ADAMTS2: variants seen among roughly 807,000 people sequenced by gnomAD.
The protein encoded by ADAMTS2 is A disintegrin and metalloproteinase with thrombospondin motifs 2.
A neutral mutation model predicts 123.0 loss-of-function variants in ADAMTS2; 50 were observed. The ratio of observed to expected loss-of-function variants is 0.41; its 90% CI spans 0.32 to 0.51. The LOEUF is 0.51. Ranked by LOEUF, ADAMTS2 falls within the 20% of genes least tolerant of loss-of-function variation. The pLI, the probability that ADAMTS2 is intolerant of heterozygous loss-of-function variation, is 0.35. For missense variants in ADAMTS2, 1,494 were observed against 1,705.2 expected (o/e 0.88, Z 2.18); for synonymous variants, 678 against 695.4 (o/e 0.98, Z 0.39).
intron 4 of ADAMTS2, among the ~76,000 whole-genome samples, chr5:179,182,490 C>G (rs3797603): frequency 6.6e-6 from 1 of 152,056 alleles, no homozygotes; most frequent in Non-Finnish European, 1.5e-5. Context: ...TCAGGAAACC[C>G]GAGGGTTCAC....
intron 3 of ADAMTS2, among the ~76,000 whole-genome samples, chr5:179,215,646 C>T (rs465381): frequency 0.22 from 33,721 of 151,988 alleles, 3,955 homozygotes; most frequent in Non-Finnish European, 0.27. Flanking sequence ...GGGGAAGAAA[C>T]AACAAGGGAA....
intron 10 of ADAMTS2, among the ~76,000 whole-genome samples, chr5:179,142,837 G>A (rs1763193613): frequency 6.6e-6 from 1 of 152,148 alleles, no homozygotes; most frequent in African/African-American, 2.4e-5. Flanking sequence ...GTAGCAGCAA[G>A]GCCCAGGGGA....
At position 179,118,514 on chromosome 5, in the gene ADAMTS2, G is replaced by A. The variant is rs1026272249; in HGVS notation, c.3178+3147C>T. On this transcript the variant is annotated intron_variant, in intron 21 of 21. Transcript: ENST00000251582. The surrounding 1 kb of genome is among the most constrained non-coding windows in gnomAD (Gnocchi z 4.5). ...TTAAGTCACTGTAGGCTACTCCCACGATCTTGGCTACACCTGAACAGCACC... is the reference window on the plus strand; with the variant it reads ...TTAAGTCACTGTAGGCTACTCCCACAATCTTGGCTACACCTGAACAGCACC... Among the ~76,000 whole-genome samples the A allele has an allele frequency of 1.3e-5, 2 of 152,098 alleles. No individual in the cohort carries two copies. The highest frequency in any genetic ancestry group is 4.8e-5 in the African/African-American group (2 of 41,412).
intron 4 of ADAMTS2, among the ~76,000 whole-genome samples, chr5:179,184,535 TGAAA>T (rs1271136389): frequency 1.4e-5 from 2 of 139,366 alleles, no homozygotes; most frequent in Admixed American, 7.2e-5. Context: ...AAAAAAAGAA[TGAAA>T]GAAAGTTGCA....
At chr5:179,136,359 G>A (rs1421697298) in intron 12 of ADAMTS2, among the ~76,000 whole-genome samples, 1 of 152,158 alleles carries the variant, frequency 6.6e-6, no homozygotes, top group Non-Finnish European at 1.5e-5. Context: ...TGTTTGCTGG[G>A]TTGCTATCTA....
intron 5 of ADAMTS2, among the ~76,000 whole-genome samples, chr5:179,161,313 G>T (rs1377422349): frequency 3.3e-5 from 5 of 152,162 alleles, no homozygotes; most frequent in Admixed American, 1.3e-4. Context: ...AGAAGGAAGG[G>T]AAACTCGGGG....
At chr5:179,217,942 A>G (rs78642532) in intron 3 of ADAMTS2, among the ~76,000 whole-genome samples, 6,202 of 148,990 alleles carry the variant, frequency 0.042, 186 homozygotes, top group Non-Finnish European at 0.067. Flanking sequence ...GCACCTGCAC[A>G]CAGACAGAGG....
chr5:179,208,166 G>A (rs1399892354), intron 3 of ADAMTS2, among the ~76,000 whole-genome samples: 6 of 151,248 alleles, frequency 4.0e-5, no homozygotes, highest in South Asian at 4.2e-4. Flanking sequence ...ACTGCCCGAT[G>A]CTGGAGTGGG....
Position 179,132,933 on chromosome 5 carries a change from C to T in ADAMTS2, c.2086-33G>A, listed in dbSNP as rs751922442. ...GGGAGGAGGCAGTGAGCACTTGAGA[C>T]GTCCTGCTAGTAGAGTCAGGGTCAT... On this transcript the variant is annotated intron_variant, in intron 13 of 21. Coordinates refer to ENST00000251582, the MANE Select transcript of ADAMTS2 (RefSeq NM_014244.5). The surrounding 1 kb of genome is among the most constrained non-coding windows in gnomAD (Gnocchi z 6.1). 2.2e-5 allele frequency: 36 copies of T among 1,609,546 alleles called. No homozygotes were observed. The highest frequency in any genetic ancestry group is 3.4e-5 in the Admixed American group (2 of 59,484).
At chr5:179,270,058 C>T (rs1412367774) in intron 3 of ADAMTS2, among the ~76,000 whole-genome samples, 3 of 152,160 alleles carry the variant, frequency 2.0e-5, no homozygotes, top group African/African-American at 7.2e-5. Flanking sequence ...CCTAAGCTGC[C>T]CAGTGCACAC....
At chr5:179,223,104 A>C (rs1765162657) in intron 3 of ADAMTS2, among the ~76,000 whole-genome samples, 1 of 151,942 alleles carries the variant, frequency 6.6e-6, no homozygotes, top group African/African-American at 2.4e-5. Context: ...TTGTTCATTC[A>C]CTCGTCAAGT....
At chr5:179,249,719 A>T (rs1256787928) in intron 3 of ADAMTS2, among the ~76,000 whole-genome samples, 3 of 152,212 alleles carry the variant, frequency 2.0e-5, no homozygotes, top group Non-Finnish European at 2.9e-5. Context: ...GAAAATTTGT[A>T]CAGATCTATA....
intron 2 of ADAMTS2, chr5:179,341,395 A>G: frequency 2.7e-6 from 1 of 365,936 alleles, no homozygotes; most frequent in Non-Finnish European, 5.3e-6. Flanking sequence ...AGAGAAGAGA[A>G]AGAGGACAAG....
Position 179,329,224 on chromosome 5 carries a change from G to A in ADAMTS2, c.534+14543C>T, listed in dbSNP as rs1224568392. Among the ~76,000 whole-genome samples, 5 of 152,050 alleles carry A rather than the reference G, an allele frequency of 3.3e-5. No homozygotes were observed. In the East Asian group the frequency reaches 9.7e-4, roughly 29 times the overall value. ...CGCCTGTAGTCCCAGCTACTCTTGAGGCTGAAGCAGGAGAATGGCGTGAAC... is the reference window on the plus strand; with the variant it reads ...CGCCTGTAGTCCCAGCTACTCTTGAAGCTGAAGCAGGAGAATGGCGTGAAC... On this transcript the variant is annotated intron_variant, in intron 2 of 21. Coordinates refer to ENST00000251582, the MANE Select transcript of ADAMTS2 (RefSeq NM_014244.5).
intron 4 of ADAMTS2, among the ~76,000 whole-genome samples, chr5:179,204,315 G>A (rs577685551): frequency 6.6e-5 from 10 of 152,332 alleles, no homozygotes; most frequent in African/African-American, 1.9e-4. Flanking sequence ...CGAATCGCAC[G>A]CTTAAAAATG....
Position 179,185,491 on chromosome 5 carries a change from C to A in ADAMTS2, c.892-4336G>T, listed in dbSNP as rs574051943. ...GGCCCTGCCCCTCAGGACGCAAGAT[C>A]TTCCCACTCTCCTAGCCCTACCCCT... is the stretch of plus-strand genomic sequence containing the variant. On this transcript the variant is annotated intron_variant, in intron 4 of 21. Transcript: ENST00000251582. This position sits in a 1 kb window ranked among gnomAD's most constrained non-coding sequence, Gnocchi z 5.9. 1.2e-4 allele frequency among the ~76,000 whole-genome samples: 18 copies of A among 152,230 alleles called. No individual in the cohort carries two copies. In the South Asian group the frequency reaches 3.7e-3, roughly 32 times the overall value.
At chr5:179,156,906 T>C (rs1457826503) in intron 6 of ADAMTS2, among the ~76,000 whole-genome samples, 1 of 152,088 alleles carries the variant, frequency 6.6e-6, no homozygotes, top group East Asian at 1.9e-4. Flanking sequence ...AAGGATTTCT[T>C]GTGTTTTGGT....
At chr5:179,304,051 C>T (rs1756603931) in intron 2 of ADAMTS2, among the ~76,000 whole-genome samples, 1 of 152,116 alleles carries the variant, frequency 6.6e-6, no homozygotes, top group Non-Finnish European at 1.5e-5. Flanking sequence ...AGGAGGTGGA[C>T]CAATGCCCAG....
intron 4 of ADAMTS2, among the ~76,000 whole-genome samples, chr5:179,183,727 C>T (rs1048512873): frequency 2.0e-5 from 3 of 152,194 alleles, no homozygotes; most frequent in African/African-American, 4.8e-5. Flanking sequence ...CACTGGCCTA[C>T]AGGAGAGGAG....
Sources: gnomAD v4.1 joint callset for allele counts (sites outside exome capture counted in the v4.1 genomes callset) on GRCh38, gnomAD v4.1.1 for gene constraint, Gnocchi (gnomAD v3.1) non-coding constraint, MANE v1.5 for transcripts, NCBI Gene and HGNC (gene_info 2026-07-23, HGNC 2026-07-21) for gene names.